Variants in SGO2 observed in about 807,000 individuals in gnomAD.
SGO2 encodes the protein shugoshin 2.
Under a neutral mutation model 99.5 loss-of-function variants are expected in SGO2, and 68 were observed. That is an observed-to-expected ratio of 0.68 (90% CI 0.56 to 0.84). The LOEUF (loss-of-function observed/expected upper bound fraction) is 0.84. SGO2 is among the 40% of genes least tolerant of loss of function. SGO2 has a pLI of 0.00. For synonymous variants in SGO2, 457 were observed against 487.1 expected (o/e 0.94, Z 0.81); for missense variants, 1,350 against 1,436.7 (o/e 0.94, Z 0.97).
At chr2:200,583,046 G>A (rs1375965601) in intron 8 of SGO2, among the ~76,000 whole-genome samples, 1 of 152,152 alleles carries the variant, frequency 6.6e-6, no homozygotes, top group East Asian at 1.9e-4. Flanking sequence ...GGAGGAGAGG[G>A]TTGTGATCAG....
intron 4 of SGO2, among the ~76,000 whole-genome samples, chr2:200,539,388 T>C (rs1307146763): frequency 1.3e-5 from 2 of 152,106 alleles, no homozygotes; most frequent in African/African-American, 4.8e-5. Flanking sequence ...TTTGGGCTTT[T>C]ATTTGTCTTT....
rs1226623338 is a variant in SGO2, at chr2:200,559,692, C to G, written c.474-9971C>G. Among the ~76,000 whole-genome samples, 8 of 152,228 alleles carry G rather than the reference C, an allele frequency of 5.3e-5. No individual in the cohort carries two copies. The East Asian group carries it at 1.5e-3, about 29-fold the overall frequency. ...CCTCCTGCTTTAGCCTCCTGAGTAG[C>G]TGGGACTACAGGCATACATCATCAG... is the stretch of plus-strand genomic sequence containing the variant. On this transcript the variant is annotated intron_variant, in intron 5 of 8. Transcript: ENST00000357799.
At chr2:200,568,116 C>G (rs2033261136) in intron 5 of SGO2, among the ~76,000 whole-genome samples, 1 of 152,194 alleles carries the variant, frequency 6.6e-6, no homozygotes, top group South Asian at 2.1e-4. Context: ...TCCTCACCAA[C>G]ACTTGTTAAT....
intron 5 of SGO2, among the ~76,000 whole-genome samples, chr2:200,559,842 A>T (rs536040352): frequency 6.6e-6 from 1 of 152,164 alleles, no homozygotes; most frequent in African/African-American, 2.4e-5. Flanking sequence ...GCTGATGGGT[A>T]TTTTTATTTT....
At chr2:200,569,568 T>C (rs1317036980) in intron 5 of SGO2, 95 bp from the exon 6 acceptor site, 2 of 916,446 alleles carry the variant, frequency 2.2e-6, no homozygotes, top group African/African-American at 3.4e-5. Flanking sequence ...GGATTTGTGG[T>C]TCGATCTTAA....
Position 200,569,764 on chromosome 2 carries a change from G to A in SGO2, c.575G>A (p.Gly192Glu), listed in dbSNP as rs976537849. 7.4e-6 allele frequency: 12 copies of A among 1,612,616 alleles called. No individual in the cohort carries two copies. Among genetic ancestry groups the A allele is most frequent in the Non-Finnish European group, 1.0e-5 (12 of 1,179,114 alleles). Residue 192 changes from glycine to glutamate, a missense_variant, in exon 6 of 9, where the codon GGA becomes GAA. Physicochemically the swap from Gly to Glu is moderately conservative, Grantham distance 98. Coordinates refer to ENST00000357799, the MANE Select transcript of SGO2 (RefSeq NM_152524.6). ...ACATTACCTGATATTCCCTCTTCAG[G>A]ATCAACAACACAACCTTTATCAACT... ...SKTLPDIPSS[G>E]STTQPLSTQD...
chr2:200,559,160 G>A (rs1213660159), intron 5 of SGO2, among the ~76,000 whole-genome samples: 1 of 152,058 alleles, frequency 6.6e-6, no homozygotes, highest in Non-Finnish European at 1.5e-5. Context: ...TTCTTCTTAT[G>A]TTAGGTTTGT....
chr2:200,532,433 A>G (rs1017202642), intron 1 of SGO2: 5 of 984,960 alleles, frequency 5.1e-6, no homozygotes, highest in Non-Finnish European at 6.0e-6. Context: ...GCCCAGTCAC[A>G]GTTAATCGCT....
chr2:200,569,258 T>C (rs2106341004), intron 5 of SGO2, among the ~76,000 whole-genome samples: 1 of 152,254 alleles, frequency 6.6e-6, no homozygotes, highest in Admixed American at 6.5e-5. Flanking sequence ...CACATAATTT[T>C]ATAAACAATT....
At chr2:200,551,460 G>T (rs866004347) in intron 5 of SGO2, among the ~76,000 whole-genome samples, 2 of 152,244 alleles carry the variant, frequency 1.3e-5, no homozygotes, top group African/African-American at 2.4e-5. Context: ...GGCTGGGAAG[G>T]GGGAGAGAGG....
At chr2:200,558,807 T>C (rs941915887) in intron 5 of SGO2, among the ~76,000 whole-genome samples, 25 of 147,502 alleles carry the variant, frequency 1.7e-4, no homozygotes, top group Non-Finnish European at 2.9e-4. Context: ...TAACATCTCT[T>C]TTTTTTTTTT....
At chr2:200,564,108 G>A (rs1216814654) in intron 5 of SGO2, among the ~76,000 whole-genome samples, 2 of 152,132 alleles carry the variant, frequency 1.3e-5, no homozygotes, top group East Asian at 3.9e-4. Flanking sequence ...GCTAGCTTTT[G>A]AATGTGTTTG....
At chr2:200,561,425 T>G (rs2032961240) in intron 5 of SGO2, among the ~76,000 whole-genome samples, 1 of 152,256 alleles carries the variant, frequency 6.6e-6, no homozygotes, top group Non-Finnish European at 1.5e-5. Context: ...GTGCACATTT[T>G]CTTAACCCAG....
At position 200,571,355 on chromosome 2, in the gene SGO2, G is replaced by T. The variant is rs200938511; in HGVS notation, c.1009G>T (p.Ala337Ser). 1,602 of 1,612,700 alleles carry T rather than the reference G, an allele frequency of 9.9e-4. 3 individuals are homozygous for T. Among genetic ancestry groups the T allele is most frequent in the Non-Finnish European group, 1.3e-3 (1,500 of 1,179,018 alleles). The change falls in exon 7 of 9, where the codon GCC becomes TCC. Residue 337 changes from alanine to serine, a missense_variant. Coordinates refer to ENST00000357799, the MANE Select transcript of SGO2 (RefSeq NM_152524.6). ...QDLPGLSSES[A>S]REPNAECMNQ... ...TCTTCCTGGCTTATCTTCTGAGTCT[G>T]CCAGAGAACCTAATGCAGAGTGCAT...
intron 2 of SGO2, among the ~76,000 whole-genome samples, chr2:200,533,853 T>C (rs2031557582): frequency 1.3e-5 from 2 of 152,252 alleles, no homozygotes; most frequent in South Asian, 4.2e-4. Context: ...AGCTCCCACC[T>C]AGGTCTCTAG....
Position 200,570,431 on chromosome 2 carries a change from A to G in SGO2, c.703+539A>G, listed in dbSNP as rs138144340. ...GATTTTCAGACTGGGATATGGAACT[A>G]TAACAATTTTGAATTTAGAGCTTAG... is the stretch of plus-strand genomic sequence containing the variant. On this transcript the variant is annotated intron_variant, in intron 6 of 8. Transcript: ENST00000357799. The surrounding 1 kb of genome is among the most constrained non-coding windows in gnomAD (Gnocchi z 4.4). 7.1e-3 allele frequency among the ~76,000 whole-genome samples: 1,082 copies of G among 151,514 alleles called. 5 individuals are homozygous for G. Among genetic ancestry groups the G allele is most frequent in the Middle Eastern group, 0.031 (9 of 292 alleles).
chr2:200,581,249 G>C (rs1443183677), intron 8 of SGO2, among the ~76,000 whole-genome samples: 3 of 151,976 alleles, frequency 2.0e-5, no homozygotes, highest in African/African-American at 7.2e-5. Flanking sequence ...ATGTTGCTTA[G>C]ATCTTCTGTT....
At chr2:200,567,904 A>C (rs1376209742) in intron 5 of SGO2, among the ~76,000 whole-genome samples, 1 of 152,242 alleles carries the variant, frequency 6.6e-6, no homozygotes, top group Non-Finnish European at 1.5e-5. Context: ...ATTATGAATA[A>C]TGCTGCAATA....
intron 5 of SGO2, among the ~76,000 whole-genome samples, chr2:200,550,126 C>G (rs1338768762): frequency 6.6e-6 from 1 of 151,948 alleles, no homozygotes; most frequent in African/African-American, 2.4e-5. Flanking sequence ...ATATGAAATA[C>G]CTAGGAATCA....
Sources: allele counts gnomAD v4.1 joint callset (sites outside exome capture counted in the v4.1 genomes callset), GRCh38; gene constraint gnomAD v4.1.1; non-coding constraint Gnocchi (gnomAD v3.1); transcripts MANE v1.5; gene names NCBI Gene and HGNC (gene_info 2026-07-23, HGNC 2026-07-21).